Variants in NBAS observed in about 807,000 individuals in gnomAD.
NBAS encodes NAG/BC035112 fusion.
A neutral mutation model predicts 302.5 loss-of-function variants in NBAS; 219 were observed. That is an observed-to-expected ratio of 0.72 (90% CI 0.65 to 0.81). NBAS has a LOEUF of 0.81. Among genes scored for constraint, NBAS ranks in the 30% least tolerant of loss-of-function variants. The pLI is 0.00. For synonymous variants in NBAS, 1,118 were observed against 1,021.6 expected, an observed-to-expected ratio of 1.09 and a Z score of -1.80; for missense variants, 2,932 against 2,841.6, an observed-to-expected ratio of 1.03 and a Z score of -0.72.
chr2:15,250,367 A>G lies in NBAS; in HGVS notation c.5725-11681T>C, dbSNP rs1233647933. 3.9e-5 allele frequency among the ~76,000 whole-genome samples: 6 copies of G among 152,256 alleles called. No individual in the cohort carries two copies. The East Asian group carries it at 1.2e-3, about 29-fold the overall frequency. On this transcript the variant is annotated intron_variant, in intron 44 of 51. Transcript: ENST00000281513. ...CCTAAAACCATAAAAACCCTAGAAG[A>G]AAATCTAGGCAATACCATTCAGGAC...
intron 40 of NBAS, among the ~76,000 whole-genome samples, chr2:15,306,567 T>C (rs1350611732): frequency 6.6e-6 from 1 of 152,196 alleles, no homozygotes; most frequent in Non-Finnish European, 1.5e-5. Context: ...TTTGGAAGGT[T>C]GAGGCAGCTA....
intron 21 of NBAS, among the ~76,000 whole-genome samples, chr2:15,457,919 C>T (rs1389789168): frequency 3.9e-5 from 6 of 152,184 alleles, no homozygotes; most frequent in Non-Finnish European, 5.9e-5. Context: ...TTCAGGTCCT[C>T]GGTAAACACA....
At chr2:15,339,880 C>A (rs1188992805) in intron 35 of NBAS, among the ~76,000 whole-genome samples, 2 of 149,608 alleles carry the variant, frequency 1.3e-5, no homozygotes, top group Admixed American at 1.3e-4. Context: ...TAGAAGGATC[C>A]AGAGGCAACA....
chr2:15,143,537 C>A, the NBAS span, among the ~76,000 whole-genome samples: 1 of 152,184 alleles, frequency 6.6e-6, no homozygotes, highest in African/African-American at 2.4e-5. Context: ...TGGATGAATT[C>A]TCCACCCACG....
chr2:15,031,218 T>C, the NBAS span, among the ~76,000 whole-genome samples: 7 of 152,202 alleles, frequency 4.6e-5, no homozygotes, highest in African/African-American at 9.7e-5. Flanking sequence ...ACAAGGGTTA[T>C]CAGCAACCAA....
chr2:15,084,986 G>A, the NBAS span, among the ~76,000 whole-genome samples: 2 of 152,246 alleles, frequency 1.3e-5, no homozygotes, highest in Non-Finnish European at 2.9e-5. Flanking sequence ...CATGCTGGCC[G>A]CTGCAGGGAG....
intron 31 of NBAS, among the ~76,000 whole-genome samples, chr2:15,370,097 T>G (rs2148348700): frequency 6.6e-6 from 1 of 152,324 alleles, no homozygotes; most frequent in East Asian, 1.9e-4. Context: ...TTGAAGAATC[T>G]TTTGCTCTCA....
chr2:14,832,557 C>T, the NBAS span, among the ~76,000 whole-genome samples: 2 of 152,162 alleles, frequency 1.3e-5, no homozygotes, highest in Non-Finnish European at 2.9e-5. Flanking sequence ...ATCGCTCCAC[C>T]ATTTATGGAC....
At chr2:14,957,636 ACCT>A in the NBAS span, among the ~76,000 whole-genome samples, 3 of 149,862 alleles carry the variant, frequency 2.0e-5, no homozygotes, top group Non-Finnish European at 4.4e-5. Flanking sequence ...TGCTTCCAAA[ACCT>A]CCTCTCCAGC....
intron 24 of NBAS, among the ~76,000 whole-genome samples, chr2:15,416,674 C>T (rs1676949446): frequency 6.6e-6 from 1 of 151,822 alleles, no homozygotes; most frequent in Non-Finnish European, 1.5e-5. Context: ...GGTGTGGTGG[C>T]AGGCGCCTGT....
chr2:15,493,069 T>C (rs1230306584), intron 11 of NBAS, among the ~76,000 whole-genome samples: 1 of 152,176 alleles, frequency 6.6e-6, no homozygotes, highest in African/African-American at 2.4e-5. Flanking sequence ...CTCATGCTAG[T>C]GAGTTCTCAT....
At chr2:14,807,454 AGTGTGT>A in the NBAS span, among the ~76,000 whole-genome samples, 67,458 of 147,192 alleles carry the variant, frequency 0.46, 15,741 homozygotes, top group African/African-American at 0.6. Flanking sequence ...TGTGTGTGTG[AGTGTGT>A]GTGTGTGTGT....
chr2:15,521,407 G>A (rs1553331625), intron 9 of NBAS, among the ~76,000 whole-genome samples: 1 of 152,084 alleles, frequency 6.6e-6, no homozygotes, highest in Non-Finnish European at 1.5e-5. Context: ...TAGCTCTTAC[G>A]TTTTAATTCT....
At chr2:15,387,090 T>TTC (rs1474378340) in intron 28 of NBAS, among the ~76,000 whole-genome samples, 6 of 151,842 alleles carry the variant, frequency 4.0e-5, no homozygotes, top group Admixed American at 1.3e-4. Flanking sequence ...TTAATTTTTT[T>TTC]TTTTTCTGAA....
the NBAS span, among the ~76,000 whole-genome samples, chr2:14,900,112 C>CTTTTTTTTTT: frequency 9.2e-5 from 13 of 140,636 alleles, 1 homozygote; most frequent in Non-Finnish European, 7.7e-5. Flanking sequence ...AAGTCACATG[C>CTTTTTTTTTT]TTTTTTTTTT....
At chr2:14,932,707 G>T in the NBAS span, among the ~76,000 whole-genome samples, 1 of 152,210 alleles carries the variant, frequency 6.6e-6, no homozygotes, top group Non-Finnish European at 1.5e-5. Flanking sequence ...GGAACACCTG[G>T]TACTTTTAAA....
the NBAS span, among the ~76,000 whole-genome samples, chr2:15,040,751 C>T: frequency 6.6e-6 from 1 of 152,188 alleles, no homozygotes; most frequent in Admixed American, 6.5e-5. Flanking sequence ...AGGTGGCCTT[C>T]ACAGGGGCTG....
the NBAS span, among the ~76,000 whole-genome samples, chr2:14,955,642 C>A: frequency 6.6e-6 from 1 of 152,228 alleles, no homozygotes; most frequent in Non-Finnish European, 1.5e-5. Flanking sequence ...TACCCATAGA[C>A]CCAACACCAT....
the NBAS span, among the ~76,000 whole-genome samples, chr2:14,835,966 A>G: frequency 6.6e-6 from 1 of 151,972 alleles, no homozygotes; most frequent in African/African-American, 2.4e-5. Flanking sequence ...AACCTCACCA[A>G]CACTTGATAT....
Sources: allele counts gnomAD v4.1 joint callset (sites outside exome capture counted in the v4.1 genomes callset), GRCh38; gene constraint gnomAD v4.1.1; transcripts MANE v1.5; gene names NCBI Gene and HGNC (gene_info 2026-07-23, HGNC 2026-07-21).